Variants in PTPRD observed in about 807,000 individuals in gnomAD.
PTPRD encodes the protein receptor-type tyrosine-protein phosphatase delta.
In PTPRD, 34 loss-of-function variants were observed where a neutral mutation model predicts 214.5. The observed-to-expected ratio is 0.16, with a 90% CI of 0.12 to 0.21. The LOEUF (loss-of-function observed/expected upper bound fraction) is 0.21. PTPRD is among the 10% of genes least tolerant of loss of function. The probability of loss-of-function intolerance (pLI) is 1.00; values close to 1 mark genes in which losing one functional copy is unlikely to be tolerated. For missense variants in PTPRD, 2,545 were observed against 2,398.7 expected (o/e 1.06, Z -1.27); for synonymous variants, 1,128 against 845.7 (o/e 1.33, Z -5.79).
intron 4 of PTPRD, among the ~76,000 whole-genome samples, chr9:9,992,866 G>A (rs1457186230): frequency 1.3e-5 from 2 of 151,982 alleles, no homozygotes; most frequent in Admixed American, 1.3e-4. Context: ...GAGTTAACGG[G>A]TGCAGCACAC....
At chr9:10,297,674 A>T (rs1184258912) in intron 3 of PTPRD, among the ~76,000 whole-genome samples, 1 of 152,010 alleles carries the variant, frequency 6.6e-6, no homozygotes, top group Non-Finnish European at 1.5e-5. Context: ...TAATCACTCA[A>T]TTTACAAATC....
intron 39 of PTPRD, among the ~76,000 whole-genome samples, chr9:8,349,238 A>AT (rs200668507): frequency 0.017 from 2,654 of 152,264 alleles, 81 homozygotes; most frequent in African/African-American, 0.06. Flanking sequence ...AATTGCTGAG[A>AT]AATAACAAAC....
chr9:9,467,150 A>G (rs2146254450), intron 8 of PTPRD, among the ~76,000 whole-genome samples: 1 of 151,438 alleles, frequency 6.6e-6, no homozygotes, highest in Admixed American at 6.6e-5. Flanking sequence ...TTGTGTCCTC[A>G]CCATCCTTTC....
intron 3 of PTPRD, among the ~76,000 whole-genome samples, chr9:10,306,255 C>A (rs1364211470): frequency 7.6e-6 from 1 of 130,912 alleles, no homozygotes; most frequent in African/African-American, 3.1e-5. Context: ...GGGAACATCA[C>A]ATGCTGGGGC....
In PTPRD at chr9:10,533,802, T is replaced by C. The variant is rs1290836874; in HGVS notation, c.-600+78596A>G. ...CACTATTATCTATGTTTTAAAGCCA[T>C]ATTTCATGCATACTTTCATCTGAAC... On this transcript the variant is annotated intron_variant, in intron 2 of 45. Transcript: ENST00000381196. 2.6e-5 allele frequency among the ~76,000 whole-genome samples: 4 copies of C among 151,960 alleles called. No individual in the cohort carries two copies. The East Asian group carries it at 7.7e-4, about 29-fold the overall frequency.
chr9:8,974,757 T>A (rs2099258520), intron 11 of PTPRD, among the ~76,000 whole-genome samples: 1 of 151,996 alleles, frequency 6.6e-6, no homozygotes, highest in Admixed American at 6.6e-5. Context: ...TATTAGTATA[T>A]AATAGTATAT....
In PTPRD at chr9:8,993,178, GCCATTCCCTT is replaced by G. The variant is rs386732402; in HGVS notation, c.-104+25509_-104+25518del. ...AAAGTCTCATAGGTATGGAGTAGGG[GCCATTCCCTT>G]GGCCCAGAGAACCTGGCTCTAAGGT... On this transcript the variant is annotated intron_variant, in intron 11 of 45. Transcript: ENST00000381196. Among the ~76,000 whole-genome samples the G allele has an allele frequency of 2.0e-4, 30 of 152,194 alleles. No individual in the cohort carries two copies. The East Asian group carries it at 2.5e-3, about 13-fold the overall frequency.
chr9:8,508,741 T>C (rs1445190374), intron 21 of PTPRD, among the ~76,000 whole-genome samples: 1 of 152,156 alleles, frequency 6.6e-6, no homozygotes, highest in Non-Finnish European at 1.5e-5. Flanking sequence ...ATGTATTGCT[T>C]TCCTTTTCTT....
chr9:9,876,761 T>C (rs2066994073), intron 5 of PTPRD, among the ~76,000 whole-genome samples: 1 of 152,166 alleles, frequency 6.6e-6, no homozygotes, highest in Non-Finnish European at 1.5e-5. Flanking sequence ...TAACACTATG[T>C]TATGTTATTG....
intron 9 of PTPRD, among the ~76,000 whole-genome samples, chr9:9,252,218 A>G (rs959507621): frequency 6.6e-6 from 1 of 152,064 alleles, no homozygotes; most frequent in Admixed American, 6.6e-5. Context: ...AGAAGCTCCA[A>G]AAACAGCATA....
At chr9:9,117,860 T>C (rs1384135136) in intron 10 of PTPRD, among the ~76,000 whole-genome samples, 1 of 151,974 alleles carries the variant, frequency 6.6e-6, no homozygotes, top group Non-Finnish European at 1.5e-5. Flanking sequence ...CTTGAATGTA[T>C]GGTAGAGGCA....
intron 4 of PTPRD, among the ~76,000 whole-genome samples, chr9:9,958,682 G>C (rs1260798291): frequency 6.6e-6 from 1 of 152,020 alleles, no homozygotes; most frequent in Non-Finnish European, 1.5e-5. Flanking sequence ...ATATACAAAG[G>C]ACTTTTAAAA....
At chr9:9,881,495 C>T (rs2068672914) in intron 5 of PTPRD, among the ~76,000 whole-genome samples, 3 of 152,104 alleles carry the variant, frequency 2.0e-5, no homozygotes, top group Non-Finnish European at 4.4e-5. Context: ...ACCGCATCTT[C>T]ATCTTTTATA....
chr9:10,336,718 A>G (rs529309107), intron 3 of PTPRD, among the ~76,000 whole-genome samples: 196 of 151,694 alleles, frequency 1.3e-3, no homozygotes, highest in African/African-American at 4.6e-3. Flanking sequence ...AAAAAAGTCG[A>G]CAAATAACAA....
chr9:10,441,884 T>C (rs930332281), intron 2 of PTPRD, among the ~76,000 whole-genome samples: 1 of 151,648 alleles, frequency 6.6e-6, no homozygotes, highest in African/African-American at 2.4e-5. Flanking sequence ...ACCATACCTA[T>C]TAGTAAATTA....
chr9:9,796,868 A>C (rs1295616081), intron 5 of PTPRD, among the ~76,000 whole-genome samples: 3 of 152,214 alleles, frequency 2.0e-5, no homozygotes, highest in Non-Finnish European at 4.4e-5. Context: ...AACATATACA[A>C]CTTGATGAGT....
chr9:9,959,456 T>C (rs1359783167), intron 4 of PTPRD, among the ~76,000 whole-genome samples: 1 of 152,138 alleles, frequency 6.6e-6, no homozygotes, highest in African/African-American at 2.4e-5. Context: ...TCAAAACCCA[T>C]GGAATTTTAC....
At chr9:9,252,133 G>T (rs952430490) in intron 9 of PTPRD, among the ~76,000 whole-genome samples, 1 of 151,930 alleles carries the variant, frequency 6.6e-6, no homozygotes, top group African/African-American at 2.4e-5. Context: ...GGACCAAAAT[G>T]TGCCACCCCA....
intron 2 of PTPRD, among the ~76,000 whole-genome samples, chr9:10,399,809 G>C (rs1368231200): frequency 2.6e-5 from 4 of 151,854 alleles, no homozygotes; most frequent in Non-Finnish European, 5.9e-5. Context: ...AAATAGTTCA[G>C]TGCTTCTAGA....
Sources: allele counts gnomAD v4.1 joint callset (sites outside exome capture counted in the v4.1 genomes callset), GRCh38; gene constraint gnomAD v4.1.1; transcripts MANE v1.5; gene names NCBI Gene and HGNC (gene_info 2026-07-23, HGNC 2026-07-21).